Variants in TXK observed in about 807,000 individuals in gnomAD.
The protein encoded by TXK is TXK tyrosine kinase.
TXK carries 60 observed loss-of-function variants against 81.0 expected under a neutral mutation model. That is an observed-to-expected ratio of 0.74 (90% CI 0.60 to 0.92). TXK has a LOEUF of 0.92. TXK is among the 40% of genes least tolerant of loss of function. TXK has a pLI of 0.00. For missense variants in TXK, 581 were observed against 638.3 expected, an observed-to-expected ratio of 0.91 and a Z score of 0.97; for synonymous variants, 203 against 210.7, an observed-to-expected ratio of 0.96 and a Z score of 0.32.
chr4:48,114,624 G>T, intron 1 of TXK: 1 of 551,958 alleles, frequency 1.8e-6, no homozygotes, highest in Non-Finnish European at 3.2e-6. Context: ...CCTCTGGCCT[G>T]GTTTTTGCAT....
intron 1 of TXK, among the ~76,000 whole-genome samples, chr4:48,128,365 C>A (rs979002462): frequency 2.6e-5 from 4 of 152,110 alleles, no homozygotes; most frequent in Admixed American, 2.6e-4. Flanking sequence ...TGTCTGATAC[C>A]GGCTGCTTTT....
chr4:48,069,218 C>T (rs6837702), intron 14 of TXK, among the ~76,000 whole-genome samples: 127,542 of 152,116 alleles, frequency 0.84, 54,407 homozygotes, highest in East Asian at 1. Context: ...GGGCGGATTG[C>T]GTAAGCCCAG....
At chr4:48,088,674 T>A (rs1273300978) in intron 9 of TXK, among the ~76,000 whole-genome samples, 1 of 152,254 alleles carries the variant, frequency 6.6e-6, no homozygotes, top group Non-Finnish European at 1.5e-5. Context: ...TTAAATTTTT[T>A]AAGTTTATTT....
intron 13 of TXK, among the ~76,000 whole-genome samples, chr4:48,071,980 G>C (rs1026862813): frequency 1.3e-5 from 2 of 150,062 alleles, no homozygotes; most frequent in African/African-American, 4.9e-5. Context: ...TTGAGACAGG[G>C]TCTCGCTCTG....
intron 5 of TXK, among the ~76,000 whole-genome samples, chr4:48,106,522 T>A (rs1336176393): frequency 3.9e-5 from 6 of 152,104 alleles, no homozygotes; most frequent in Non-Finnish European, 5.9e-5. Context: ...CATTTTTTTT[T>A]AAATCCAGCA....
chr4:48,071,461 G>T (rs1716850173), intron 14 of TXK, 56 bp downstream of exon 14: 1 of 1,528,862 alleles, frequency 6.5e-7, no homozygotes, highest in Non-Finnish European at 8.9e-7. Context: ...TGATAATCAG[G>T]TCTGCTCTCA....
At chr4:48,116,666 A>C (rs1265247714) in intron 1 of TXK, among the ~76,000 whole-genome samples, 1 of 152,138 alleles carries the variant, frequency 6.6e-6, no homozygotes, top group African/African-American at 2.4e-5. Context: ...GCCCAAGGAG[A>C]CTTCACAGCA....
intron 6 of TXK, among the ~76,000 whole-genome samples, chr4:48,102,942 C>T (rs1239784102): frequency 6.6e-6 from 1 of 152,096 alleles, no homozygotes; most frequent in African/African-American, 2.4e-5. Flanking sequence ...AATACAAACA[C>T]ATGGACAAAA....
chr4:48,106,678 C>A (rs1254759437), intron 5 of TXK, among the ~76,000 whole-genome samples: 1 of 152,102 alleles, frequency 6.6e-6, no homozygotes, highest in Non-Finnish European at 1.5e-5. Flanking sequence ...GAATGTAAAT[C>A]TGCTTCTCTT....
At chr4:48,118,543 C>T (rs571609715) in intron 1 of TXK, among the ~76,000 whole-genome samples, 3 of 152,178 alleles carry the variant, frequency 2.0e-5, no homozygotes, top group African/African-American at 4.8e-5. Context: ...ACCCAGCTCA[C>T]GATAAGCAGC....
intron 13 of TXK, among the ~76,000 whole-genome samples, chr4:48,071,960 T>G (rs995754706): frequency 5.3e-5 from 8 of 150,246 alleles, no homozygotes; most frequent in African/African-American, 1.7e-4. Flanking sequence ...TCTTTTCTTT[T>G]TTTTTTTTTT....
Position 48,067,273 on chromosome 4 carries a change from C to T in TXK, c.*364G>A, listed in dbSNP as rs1391154792. 3 of 209,782 alleles carry T rather than the reference C, an allele frequency of 1.4e-5. No individual in the cohort carries two copies. The highest frequency in any genetic ancestry group is 2.9e-5 in the Non-Finnish European group (3 of 102,590). The allele number at this position is 209,782 out of a possible 1,614,324, so 13.0% of individuals were successfully genotyped here. ...TGGATCACTGAAGTGATGAATGTCA[C>T]TCGTCTTCAAGAAGGAAGCACTCTC... On this transcript the variant is annotated 3_prime_UTR_variant, in exon 15 of 15. Coordinates refer to ENST00000264316, the MANE Select transcript of TXK (RefSeq NM_003328.3).
chr4:48,087,565 A>G (rs1391902972), intron 9 of TXK, among the ~76,000 whole-genome samples: 1 of 151,956 alleles, frequency 6.6e-6, no homozygotes, highest in Admixed American at 6.6e-5. Flanking sequence ...CCTCCCAAGT[A>G]GCTGGGATTA....
At chr4:48,133,132 T>C (rs1159591100) in intron 1 of TXK, among the ~76,000 whole-genome samples, 1 of 152,124 alleles carries the variant, frequency 6.6e-6, no homozygotes, top group Non-Finnish European at 1.5e-5. Flanking sequence ...CCATGGCCCA[T>C]AGTAGGTGCT....
intron 4 of TXK, 24 bp downstream of exon 4, chr4:48,112,279 TACTG>T (rs749942408): frequency 1.1e-5 from 17 of 1,603,408 alleles, no homozygotes; most frequent in Admixed American, 8.3e-5. Flanking sequence ...AAGAATTGGA[TACTG>T]ACTAAGTCAT....
At chr4:48,127,056 C>A (rs540796237) in intron 1 of TXK, among the ~76,000 whole-genome samples, 1 of 152,348 alleles carries the variant, frequency 6.6e-6, no homozygotes, top group Non-Finnish European at 1.5e-5. Flanking sequence ...CCTACCACTG[C>A]TTTAATTATG....
intron 6 of TXK, among the ~76,000 whole-genome samples, chr4:48,100,391 A>C (rs1718149184): frequency 6.6e-6 from 1 of 152,188 alleles, no homozygotes; most frequent in Non-Finnish European, 1.5e-5. Flanking sequence ...AACTATGCAA[A>C]GGATATGAAC....
At chr4:48,098,684 G>A (rs1184829103) in intron 6 of TXK, among the ~76,000 whole-genome samples, 3 of 151,636 alleles carry the variant, frequency 2.0e-5, no homozygotes, top group African/African-American at 7.3e-5. Flanking sequence ...AAAAAGGGCC[G>A]GACGCAGTGG....
chr4:48,073,091 ATTTT>A (rs33919573), intron 13 of TXK, among the ~76,000 whole-genome samples: 5 of 136,958 alleles, frequency 3.7e-5, no homozygotes, highest in African/African-American at 8.1e-5. Flanking sequence ...CACCTGGCTA[ATTTT>A]TTTTTTTTTT....
Sources: gnomAD v4.1 joint callset for allele counts (sites outside exome capture counted in the v4.1 genomes callset) on GRCh38, gnomAD v4.1.1 for gene constraint, MANE v1.5 for transcripts, NCBI Gene and HGNC (gene_info 2026-07-23, HGNC 2026-07-21) for gene names.